Variants in ECHDC1 observed in about 807,000 individuals in gnomAD.
The protein encoded by ECHDC1 is ethylmalonyl-CoA decarboxylase 1, also known as ethylmalonyl-CoA decarboxylase.
ECHDC1 carries 29 observed loss-of-function variants against 29.7 expected under a neutral mutation model. That is an observed-to-expected ratio of 0.98 (90% CI 0.73 to 1.33). ECHDC1 has a LOEUF of 1.33. ECHDC1 is among the 40% of genes most tolerant of loss of function. The pLI is 0.00. For synonymous variants in ECHDC1, 126 were observed against 123.1 expected (o/e 1.02, Z -0.15); for missense variants, 328 against 350.0 (o/e 0.94, Z 0.50).
chr6:127,300,199 A>G (rs1407521686), intron 5 of ECHDC1, among the ~76,000 whole-genome samples: 1 of 152,240 alleles, frequency 6.6e-6, no homozygotes, highest in East Asian at 1.9e-4. Context: ...ATAAAAATAC[A>G]GTTTACAAAA....
At chr6:127,338,807 A>C (rs749860038) in intron 1 of ECHDC1, among the ~76,000 whole-genome samples, 2 of 152,218 alleles carry the variant, frequency 1.3e-5, no homozygotes, top group Non-Finnish European at 2.9e-5. Flanking sequence ...CAGAAAGAAA[A>C]GAAACACAGA....
At chr6:127,316,107 T>C (rs1782349962) in intron 4 of ECHDC1, 2 of 474,146 alleles carry the variant, frequency 4.2e-6, no homozygotes, top group Admixed American at 2.3e-5. Flanking sequence ...AGGTAAACTT[T>C]ATGTGTCATG....
At chr6:127,296,520 G>T (rs966015618) in intron 5 of ECHDC1, among the ~76,000 whole-genome samples, 2 of 151,908 alleles carry the variant, frequency 1.3e-5, no homozygotes, top group Non-Finnish European at 2.9e-5. Context: ...AACAAGCAAA[G>T]TCAAAAAACA....
intron 5 of ECHDC1, among the ~76,000 whole-genome samples, chr6:127,300,101 T>G (rs1318706027): frequency 6.6e-6 from 1 of 152,192 alleles, no homozygotes; most frequent in Non-Finnish European, 1.5e-5. Flanking sequence ...ACATTTGTCA[T>G]AATGTGTTCC....
At chr6:127,333,941 C>A (rs1054152482) in intron 1 of ECHDC1, among the ~76,000 whole-genome samples, 3 of 152,060 alleles carry the variant, frequency 2.0e-5, no homozygotes, top group African/African-American at 7.2e-5. Flanking sequence ...CGAAGATAAA[C>A]CCCATTTTCT....
intron 3 of ECHDC1, among the ~76,000 whole-genome samples, chr6:127,321,210 A>C (rs1782798720): frequency 6.6e-6 from 1 of 152,228 alleles, no homozygotes; most frequent in African/African-American, 2.4e-5. Context: ...CAAATTCAGC[A>C]AGTAAGTAGA....
chr6:127,307,676 T>A (rs373935981), intron 5 of ECHDC1, among the ~76,000 whole-genome samples: 965 of 46,766 alleles, frequency 0.021, 1 homozygote, highest in Middle Eastern at 0.041. Flanking sequence ...AGAAAGAAAA[T>A]AATACAAAAG....
intron 5 of ECHDC1, among the ~76,000 whole-genome samples, chr6:127,299,281 A>G (rs1166979122): frequency 6.6e-6 from 1 of 152,084 alleles, no homozygotes; most frequent in Non-Finnish European, 1.5e-5. Flanking sequence ...CATTATTATC[A>G]TAGGAGATCA....
intron 3 of ECHDC1, among the ~76,000 whole-genome samples, chr6:127,325,341 T>G (rs1424890410): frequency 6.6e-6 from 1 of 152,144 alleles, no homozygotes; most frequent in African/African-American, 2.4e-5. Flanking sequence ...GGTACTGTGG[T>G]GTCCCGGATT....
At chr6:127,307,646 C>CAAAAAA (rs1378503493) in intron 5 of ECHDC1, among the ~76,000 whole-genome samples, 1 of 10,138 alleles carries the variant, frequency 9.9e-5, no homozygotes, top group African/African-American at 3.0e-4. Context: ...TACTCTGTCT[C>CAAAAAA]AGAAAAAAAA....
At chr6:127,319,623 C>A (rs1232294056) in intron 3 of ECHDC1, among the ~76,000 whole-genome samples, 1 of 152,060 alleles carries the variant, frequency 6.6e-6, no homozygotes, top group African/African-American at 2.4e-5. Context: ...AGCAAATAAG[C>A]CAGTAAGAGA....
chr6:127,316,083 T>G (rs965587733), intron 4 of ECHDC1: 3 of 471,514 alleles, frequency 6.4e-6, no homozygotes, highest in African/African-American at 4.0e-5. Flanking sequence ...CACATTCTAC[T>G]AATTTGGAAT....
At chr6:127,326,372 C>A in intron 3 of ECHDC1, 1 of 237,510 alleles carries the variant, frequency 4.2e-6, no homozygotes. Context: ...TCCTGTATAG[C>A]GTGCAGAACT....
At chr6:127,318,947 G>A (rs899357268) in intron 3 of ECHDC1, among the ~76,000 whole-genome samples, 3 of 152,244 alleles carry the variant, frequency 2.0e-5, no homozygotes, top group Non-Finnish European at 1.5e-5. Flanking sequence ...AAGTAAACTG[G>A]TTTATTCTCT....
chr6:127,326,688 G>C, intron 3 of ECHDC1: 1 of 359,100 alleles, frequency 2.8e-6, no homozygotes, highest in Non-Finnish European at 5.5e-6. Context: ...AACATTAACA[G>C]CAAGAGAGAG....
At chr6:127,290,374 A>G in intron 5 of ECHDC1, 97 bp from the exon 6 acceptor site, 4 of 1,250,314 alleles carry the variant, frequency 3.2e-6, no homozygotes, top group Middle Eastern at 4.2e-4. Flanking sequence ...TTCTCCATAG[A>G]TCTTTATAGG....
intron 5 of ECHDC1, among the ~76,000 whole-genome samples, chr6:127,293,020 G>A (rs534528139): frequency 6.6e-6 from 1 of 152,146 alleles, no homozygotes; most frequent in South Asian, 2.1e-4. Flanking sequence ...AATCAAATGT[G>A]GATATATTTC....
At chr6:127,303,975 C>G (rs1562310694) in intron 5 of ECHDC1, among the ~76,000 whole-genome samples, 2 of 152,088 alleles carry the variant, frequency 1.3e-5, no homozygotes, top group Admixed American at 6.6e-5. Flanking sequence ...AAATCACCAC[C>G]CTGCAGGGAA....
chr6:127,342,506 C>G (rs538881707), intron 1 of ECHDC1: 2 of 770,890 alleles, frequency 2.6e-6, no homozygotes, highest in Admixed American at 3.1e-5. Flanking sequence ...CTGCGCTGCT[C>G]CCTCCCCTCG....
Sources: gnomAD v4.1 joint callset for allele counts (sites outside exome capture counted in the v4.1 genomes callset) on GRCh38, gnomAD v4.1.1 for gene constraint, MANE v1.5 for transcripts, NCBI Gene and HGNC (gene_info 2026-07-23, HGNC 2026-07-21) for gene names.